GNG2: variants seen among roughly 807,000 people sequenced by gnomAD.
GNG2 encodes the protein guanine nucleotide-binding protein G(I)/G(S)/G(O) subunit gamma-2.
A neutral mutation model predicts 5.5 loss-of-function variants in GNG2; 5 were observed. The ratio of observed to expected loss-of-function variants is 0.91; its 90% CI spans 0.48 to 1.92. GNG2 has a LOEUF of 1.92. Among genes scored for constraint, GNG2 ranks in the 30% most tolerant of loss-of-function variants. The pLI, the probability that GNG2 is intolerant of heterozygous loss-of-function variation, is 0.01. For missense variants in GNG2, 55 were observed against 88.4 expected, an observed-to-expected ratio of 0.62 and a Z score of 1.52; for synonymous variants, 28 against 32.0, an observed-to-expected ratio of 0.88 and a Z score of 0.42.
At position 51,836,856 on chromosome 14, in the gene GNG2, CTTT is replaced by C. The variant is rs369095215; in HGVS notation, c.64+9066_64+9068del. Among the ~76,000 whole-genome samples the C allele has an allele frequency of 7.6e-3, 994 of 130,632 alleles. 7 individuals carry two copies. The highest frequency in any genetic ancestry group is 9.4e-3 in the Admixed American group (121 of 12,938). The allele number at this position is 130,632 out of a possible 152,430, so 85.7% of individuals were successfully genotyped here. A position where few individuals can be genotyped will look rare whatever the true frequency, so the allele number is the denominator to read the frequency against. On this transcript the variant is annotated intron_variant, in intron 2 of 3. Transcript: ENST00000553432. ...ATATTATGATTTTAAGTGACTTCAT[CTTT>C]TTTTTTTTTTTTTTTTGAGACAGAG... is the stretch of plus-strand genomic sequence containing the variant.
intron 3 of GNG2, among the ~76,000 whole-genome samples, chr14:51,962,978 G>A (rs1435468659): frequency 2.0e-5 from 3 of 152,134 alleles, no homozygotes; most frequent in African/African-American, 7.2e-5. Flanking sequence ...ACTTAATGAA[G>A]CCTCCACTTC....
chr14:51,956,079 T>G (rs1410622008), intron 3 of GNG2, among the ~76,000 whole-genome samples: 2 of 152,190 alleles, frequency 1.3e-5, no homozygotes, highest in African/African-American at 4.8e-5. Context: ...AATGCTTGTG[T>G]TCAATTTTAT....
chr14:51,849,443 C>A (rs1881806403), intron 2 of GNG2, among the ~76,000 whole-genome samples: 1 of 152,082 alleles, frequency 6.6e-6, no homozygotes, highest in African/African-American at 2.4e-5. Context: ...ACAGTAGAAG[C>A]CAAGAAATAA....
intron 2 of GNG2, among the ~76,000 whole-genome samples, chr14:51,904,883 C>T (rs967401228): frequency 1.3e-5 from 2 of 152,358 alleles, no homozygotes; most frequent in East Asian, 1.9e-4. Flanking sequence ...CATCTTCAAA[C>T]AGTCGCTACG....
At chr14:51,890,985 A>G (rs963793270) in intron 2 of GNG2, among the ~76,000 whole-genome samples, 1 of 152,230 alleles carries the variant, frequency 6.6e-6, no homozygotes, top group African/African-American at 2.4e-5. Flanking sequence ...CATTCTTTAG[A>G]GAAGTGACAA....
At chr14:51,919,110 C>G (rs1886848014) in intron 2 of GNG2, among the ~76,000 whole-genome samples, 1 of 152,140 alleles carries the variant, frequency 6.6e-6, no homozygotes, top group Non-Finnish European at 1.5e-5. Context: ...CAGGCATGAG[C>G]CACCGCGTCC....
chr14:51,847,757 A>G (rs1415038298), intron 2 of GNG2, among the ~76,000 whole-genome samples: 3 of 152,098 alleles, frequency 2.0e-5, no homozygotes, highest in Admixed American at 2.0e-4. Flanking sequence ...TCAAATTACC[A>G]AGAGGTGATC....
In GNG2 at chr14:51,843,974, C is replaced by T. The variant is rs138299267; in HGVS notation, c.64+16167C>T. 5.2e-3 allele frequency among the ~76,000 whole-genome samples: 794 copies of T among 152,326 alleles called. 6 individuals carry two copies. Among genetic ancestry groups the T allele is most frequent in the Non-Finnish European group, 6.8e-3 (466 of 68,040 alleles). On this transcript the variant is annotated intron_variant, in intron 2 of 3. Transcript: ENST00000553432. ...CCTTGGTCACCACCTTGGTTTCCAC[C>T]GTGGCTCTAAAGACTCTTCTGGTGA...
At chr14:51,831,867 G>A (rs1254175253) in intron 2 of GNG2, among the ~76,000 whole-genome samples, 1 of 152,114 alleles carries the variant, frequency 6.6e-6, no homozygotes, top group East Asian at 1.9e-4. Flanking sequence ...TATAAAATAT[G>A]CAGCATAATT....
chr14:51,875,131 A>G (rs530736453), intron 1 of GNG2, among the ~76,000 whole-genome samples: 146 of 152,368 alleles, frequency 9.6e-4, no homozygotes, highest in African/African-American at 3.3e-3. Flanking sequence ...TTTTAATGTA[A>G]CAATCCGGAC....
intron 2 of GNG2, chr14:51,914,208 C>A (rs1886468131): frequency 1.4e-6 from 1 of 702,088 alleles, no homozygotes; most frequent in Admixed American, 2.0e-5. Flanking sequence ...TAGCTGGAGG[C>A]TGCCAGAAAT....
In GNG2 at chr14:51,854,963, C is replaced by G. The variant is rs564925919; in HGVS notation, c.64+27156C>G. ...CCCTCCTCCAGCCGCCTTCTTCAAT[C>G]TCCATCTACTCTTGGCCTCCTTACC... On this transcript the variant is annotated intron_variant, in intron 2 of 3. Coordinates refer to the GNG2 transcript ENST00000553432. Among the ~76,000 whole-genome samples the G allele has an allele frequency of 1.3e-3, 202 of 152,296 alleles. 1 individual carries two copies. The highest frequency in any genetic ancestry group is 4.5e-3 in the African/African-American group (186 of 41,568).
Position 51,880,404 on chromosome 14 carries a change from T to C in GNG2, c.-30+2747T>C, listed in dbSNP as rs922140558. Among the ~76,000 whole-genome samples, 7 of 152,350 alleles carry C rather than the reference T, an allele frequency of 4.6e-5. No individual in the cohort carries two copies. In the East Asian group the frequency reaches 7.7e-4, roughly 17 times the overall value. ...AACCTCACTAGAGTGGTATTTATTA[T>C]AGCCAATTTCTAGGTATGGTATAAT... On this transcript the variant is annotated intron_variant, in intron 2 of 3. Transcript: ENST00000556766.
chr14:51,920,996 G>T (rs1215723535), intron 2 of GNG2, among the ~76,000 whole-genome samples: 1 of 152,148 alleles, frequency 6.6e-6, no homozygotes, highest in African/African-American at 2.4e-5. Flanking sequence ...TATTCCTCTG[G>T]ATAAGTCACT....
intron 2 of GNG2, among the ~76,000 whole-genome samples, chr14:51,923,893 AGGGCTGATCATGCGGGTCAGCAGGAAC>A (rs1887165273): frequency 6.6e-6 from 1 of 152,226 alleles, no homozygotes; most frequent in Admixed American, 6.5e-5. Context: ...ACCTCTGCCT[AGGGCTGATCATGCGGGTCAGCAGGAAC>A]GGGCAACAAA....
chr14:51,931,628 CAAG>C (rs1175859505), intron 2 of GNG2, among the ~76,000 whole-genome samples: 1 of 151,842 alleles, frequency 6.6e-6, no homozygotes, highest in African/African-American at 2.4e-5. Context: ...TGAATCAAAC[CAAG>C]AAGAGAGACT....
chr14:51,880,616 GAC>G (rs1384223999), intron 2 of GNG2, among the ~76,000 whole-genome samples: 5 of 152,002 alleles, frequency 3.3e-5, no homozygotes, highest in African/African-American at 4.8e-5. Context: ...TCCACTTTTA[GAC>G]ACTTCAGCAA....
At chr14:51,959,513 T>TA (rs1889466538) in intron 3 of GNG2, among the ~76,000 whole-genome samples, 1 of 152,146 alleles carries the variant, frequency 6.6e-6, no homozygotes, top group African/African-American at 2.4e-5. Flanking sequence ...TATCCAGAAT[T>TA]AGACTACTTT....
chr14:51,851,204 C>T (rs1881891740), intron 2 of GNG2, among the ~76,000 whole-genome samples: 2 of 152,296 alleles, frequency 1.3e-5, no homozygotes, highest in South Asian at 4.1e-4. Flanking sequence ...GAGAAACCAG[C>T]CCCTTAGCTT....
Sources: gnomAD v4.1 joint callset for allele counts (sites outside exome capture counted in the v4.1 genomes callset) on GRCh38, gnomAD v4.1.1 for gene constraint, MANE v1.5 for transcripts, NCBI Gene and HGNC (gene_info 2026-07-23, HGNC 2026-07-21) for gene names.